The following CMSS1 variants were observed in gnomAD, a reference collection of about 807,000 sequenced individuals.
The protein encoded by CMSS1 is cms1 ribosomal small subunit homolog, also known as protein CMSS1.
CMSS1 carries 33 observed loss-of-function variants against 43.5 expected under a neutral mutation model. The observed-to-expected ratio is 0.76, with a 90% CI of 0.57 to 1.01. CMSS1 has a LOEUF of 1.01. Ranked by LOEUF, CMSS1 falls within the 50% of genes least tolerant of loss-of-function variation. The probability of loss-of-function intolerance (pLI) is 0.00; values close to 1 mark genes in which losing one functional copy is unlikely to be tolerated. For synonymous variants in CMSS1, 115 were observed against 117.2 expected (o/e 0.98, Z 0.12); for missense variants, 313 against 326.4 (o/e 0.96, Z 0.32).
intron 1 of CMSS1, among the ~76,000 whole-genome samples, chr3:99,837,196 C>G (rs1942935396): frequency 6.6e-6 from 1 of 152,142 alleles, no homozygotes; most frequent in Non-Finnish European, 1.5e-5. Flanking sequence ...AGCTGTTCTT[C>G]TCAGCATGAT....
intron 1 of CMSS1, chr3:99,849,416 C>T (rs1943543751): frequency 6.2e-7 from 1 of 1,614,142 alleles, no homozygotes. Context: ...TTCCTGTTTT[C>T]TTGTTGATTT....
At chr3:99,852,564 G>T (rs1225117021) in intron 1 of CMSS1, among the ~76,000 whole-genome samples, 1 of 152,054 alleles carries the variant, frequency 6.6e-6, no homozygotes, top group Non-Finnish European at 1.5e-5. Context: ...TCCTGTCTCA[G>T]CCTCCCGAGT....
At chr3:99,896,935 A>G (rs577898622) in intron 1 of CMSS1, among the ~76,000 whole-genome samples, 15 of 152,346 alleles carry the variant, frequency 9.8e-5, no homozygotes, top group Admixed American at 9.8e-4. Flanking sequence ...TGGCTAATAA[A>G]TAGAAAATGT....
At chr3:100,172,072 A>C in intron 7 of CMSS1, 173 bp downstream of exon 7, 2 of 641,228 alleles carry the variant, frequency 3.1e-6, no homozygotes, top group Non-Finnish European at 5.5e-6. Context: ...CTACCTCCCC[A>C]GTATGGCAGT....
intron 1 of CMSS1, among the ~76,000 whole-genome samples, chr3:100,105,919 A>T (rs1216097627): frequency 6.6e-6 from 1 of 152,106 alleles, no homozygotes; most frequent in East Asian, 1.9e-4. Context: ...TTCTTTTCTC[A>T]CTTCAAACTT....
At chr3:99,861,059 T>G (rs1277580232) in intron 1 of CMSS1, among the ~76,000 whole-genome samples, 1 of 152,146 alleles carries the variant, frequency 6.6e-6, no homozygotes, top group Non-Finnish European at 1.5e-5. Flanking sequence ...TCACTTTTCT[T>G]TTTGTTTTCC....
rs565553059 is a variant in CMSS1 at position 99,964,103 on chromosome 3, G to A, written c.64+146060G>A. Among the ~76,000 whole-genome samples, 8 of 152,072 alleles carry A rather than the reference G, an allele frequency of 5.3e-5. No individual in the cohort carries two copies. In the East Asian group the frequency reaches 5.8e-4, roughly 11 times the overall value. ...AAATAAAAACAGAGGGCATAGACTC[G>A]TTCTGTGGTGCAGATTTACCCTATA... On this transcript the variant is annotated intron_variant, in intron 1 of 9. Transcript: ENST00000421999.
intron 1 of CMSS1, among the ~76,000 whole-genome samples, chr3:100,135,455 TGTGTGTGTG>T (rs1316519877): frequency 6.8e-6 from 1 of 147,842 alleles, no homozygotes; most frequent in Non-Finnish European, 1.5e-5. Flanking sequence ...TGTGTGTGTG[TGTGTGTGTG>T]TGTGTGTGTG....
chr3:99,980,730 G>A (rs576303103), intron 1 of CMSS1, among the ~76,000 whole-genome samples: 61 of 152,240 alleles, frequency 4.0e-4, no homozygotes, highest in African/African-American at 1.2e-3. Context: ...CTAGCACTTG[G>A]TAAGTTCTCA....
At position 99,932,710 on chromosome 3, in the gene CMSS1, C is replaced by T. The variant is rs528037028; in HGVS notation, c.64+114667C>T. ...TTCAAGACCAGCCTGGCCAACATGGCGAAACCCCATCTCTGCTAAAAATAC... is the reference window on the plus strand; with the variant it reads ...TTCAAGACCAGCCTGGCCAACATGGTGAAACCCCATCTCTGCTAAAAATAC... On this transcript the variant is annotated intron_variant, in intron 1 of 9. Transcript: ENST00000421999. Among the ~76,000 whole-genome samples the T allele has an allele frequency of 5.9e-5, 9 of 152,112 alleles. No individual in the cohort carries two copies. The South Asian group carries it at 6.2e-4, about 11-fold the overall frequency.
intron 1 of CMSS1, among the ~76,000 whole-genome samples, chr3:99,819,081 C>G (rs930381897): frequency 6.6e-6 from 1 of 152,250 alleles, no homozygotes; most frequent in Non-Finnish European, 1.5e-5. Context: ...TCTTGAAATA[C>G]TAGTTGTGAA....
chr3:99,859,671 C>T (rs974834585), intron 1 of CMSS1, among the ~76,000 whole-genome samples: 5 of 152,092 alleles, frequency 3.3e-5, no homozygotes, highest in Non-Finnish European at 4.4e-5. Flanking sequence ...AACTGTGTTG[C>T]GTTGATAGTA....
intron 1 of CMSS1, among the ~76,000 whole-genome samples, chr3:99,908,576 C>T (rs879291449): frequency 5.9e-5 from 9 of 152,236 alleles, no homozygotes; most frequent in Non-Finnish European, 1.0e-4. Context: ...TCCTTGAGGC[C>T]TAATTCTCCT....
intron 1 of CMSS1, among the ~76,000 whole-genome samples, chr3:100,056,231 G>T (rs1244607050): frequency 1.3e-5 from 2 of 152,130 alleles, no homozygotes; most frequent in African/African-American, 2.4e-5. Flanking sequence ...CCCTGGCTAG[G>T]AACCAAGTCT....
intron 1 of CMSS1, chr3:99,850,004 A>T (rs757057504): frequency 6.2e-7 from 1 of 1,608,542 alleles, no homozygotes; most frequent in Non-Finnish European, 8.5e-7. Flanking sequence ...GTTACGCTGT[A>T]CATCTTTTCT....
intron 1 of CMSS1, among the ~76,000 whole-genome samples, chr3:99,846,434 C>G (rs1234750315): frequency 6.6e-6 from 1 of 152,184 alleles, no homozygotes; most frequent in Non-Finnish European, 1.5e-5. Flanking sequence ...TTATCATTGT[C>G]TGTTTTGAAA....
intron 1 of CMSS1, among the ~76,000 whole-genome samples, chr3:99,948,351 T>A (rs908757354): frequency 2.6e-4 from 39 of 151,834 alleles, no homozygotes; most frequent in African/African-American, 6.8e-4. Flanking sequence ...AATTAAAAAA[T>A]TTTTTAAAAA....
chr3:100,066,838 G>A (rs1387542517), intron 1 of CMSS1, among the ~76,000 whole-genome samples: 1 of 152,084 alleles, frequency 6.6e-6, no homozygotes, highest in Non-Finnish European at 1.5e-5. Context: ...ACCACCCAGG[G>A]ACCAGACCAA....
Position 99,930,012 on chromosome 3 carries a change from T to G in CMSS1, c.64+111969T>G, listed in dbSNP as rs1707426342. ...CCATTTTTTCAGCCTTTAAAATGCC[T>G]ATGACCTCATCTCGAGCCTGTAGGA... On this transcript the variant is annotated intron_variant, in intron 1 of 9. Coordinates refer to ENST00000421999, the MANE Select transcript of CMSS1 (RefSeq NM_032359.4). The G allele has an allele frequency of 3.7e-6, 6 of 1,611,360 alleles. No homozygotes were observed. In the South Asian group the frequency reaches 5.5e-5, roughly 15 times the overall value.
Sources: gnomAD v4.1 joint callset for allele counts (sites outside exome capture counted in the v4.1 genomes callset) on GRCh38, gnomAD v4.1.1 for gene constraint, MANE v1.5 for transcripts, NCBI Gene and HGNC (gene_info 2026-07-23, HGNC 2026-07-21) for gene names.